FBXO4: variants seen among roughly 807,000 people sequenced by gnomAD.
FBXO4 encodes F-box protein 4.
A neutral mutation model predicts 43.7 loss-of-function variants in FBXO4; 36 were observed. The observed-to-expected ratio is 0.82, with a 90% CI of 0.63 to 1.09. The LOEUF (loss-of-function observed/expected upper bound fraction) is 1.09, where lower values mean the gene tolerates loss of function less well. Ranked by LOEUF, FBXO4 falls within the 50% of genes least tolerant of loss-of-function variation. The pLI is 0.00. For missense variants in FBXO4, 435 were observed against 474.1 expected (o/e 0.92, Z 0.77); for synonymous variants, 180 against 165.6 (o/e 1.09, Z -0.67).
chr5:41,974,673 TTC>T, the FBXO4 span, among the ~76,000 whole-genome samples: 1 of 152,214 alleles, frequency 6.6e-6, no homozygotes, highest in East Asian at 1.9e-4. Context: ...GTTGTTCACC[TTC>T]TCTCTTAGAA....
At chr5:41,996,199 A>G in the FBXO4 span, among the ~76,000 whole-genome samples, 1 of 152,148 alleles carries the variant, frequency 6.6e-6, no homozygotes, top group Non-Finnish European at 1.5e-5. Context: ...GCCTGATCAC[A>G]TATATACCAC....
At chr5:41,953,882 A>G in the FBXO4 span, among the ~76,000 whole-genome samples, 1 of 152,122 alleles carries the variant, frequency 6.6e-6, no homozygotes. Context: ...AGTTCATTGT[A>G]GATTCTGGAT....
At chr5:42,032,702 G>T in the FBXO4 span, among the ~76,000 whole-genome samples, 1 of 152,136 alleles carries the variant, frequency 6.6e-6, no homozygotes, top group Non-Finnish European at 1.5e-5. Flanking sequence ...AGAATCCCAA[G>T]GGCCCACTTG....
Position 41,931,488 on chromosome 5 carries a change from G to A in FBXO4, c.646+1571G>A, listed in dbSNP as rs565572877. ...CTATTCTTTGGAATATGTTGACTTT[G>A]ATAACTCCATGGAAGATCCAAGTAG... On this transcript the variant is annotated intron_variant, in intron 3 of 6. Transcript: ENST00000281623. 3.3e-4 allele frequency among the ~76,000 whole-genome samples: 50 copies of A among 152,336 alleles called. 2 individuals carry two copies. In the South Asian group the frequency reaches 9.3e-3, roughly 28 times the overall value.
chr5:41,998,470 G>C, the FBXO4 span, among the ~76,000 whole-genome samples: 7 of 152,094 alleles, frequency 4.6e-5, no homozygotes, highest in East Asian at 1.3e-3. Flanking sequence ...TAAACCAAGG[G>C]AGATCAGGCA....
chr5:41,987,847 A>G, the FBXO4 span, among the ~76,000 whole-genome samples: 3 of 152,136 alleles, frequency 2.0e-5, no homozygotes, highest in South Asian at 2.1e-4. Flanking sequence ...TAGGATTTCC[A>G]TCTCTCTCCA....
the FBXO4 span, among the ~76,000 whole-genome samples, chr5:41,947,948 A>G: frequency 1.6e-3 from 251 of 152,258 alleles, 1 homozygote; most frequent in African/African-American, 5.0e-3. Context: ...AAGCTACTCA[A>G]TTAAGTTGGT....
chr5:41,989,431 C>T, the FBXO4 span, among the ~76,000 whole-genome samples: 3 of 151,844 alleles, frequency 2.0e-5, no homozygotes, highest in Non-Finnish European at 2.9e-5. Flanking sequence ...AAATATATTC[C>T]GTTACGATCT....
chr5:42,013,254 T>C, the FBXO4 span, among the ~76,000 whole-genome samples: 6 of 152,220 alleles, frequency 3.9e-5, no homozygotes, highest in South Asian at 8.3e-4. Flanking sequence ...CACTCCAGCC[T>C]GGGCAACAGA....
At chr5:41,999,944 A>G in the FBXO4 span, among the ~76,000 whole-genome samples, 11 of 152,110 alleles carry the variant, frequency 7.2e-5, no homozygotes, top group Admixed American at 5.2e-4. Context: ...GGCACTCACT[A>G]TTAACCATCA....
At chr5:41,954,020 C>T in the FBXO4 span, among the ~76,000 whole-genome samples, 1 of 152,106 alleles carries the variant, frequency 6.6e-6, no homozygotes, top group Admixed American at 6.5e-5. Context: ...TACTGACAGA[C>T]CAGTTGGCCC....
the FBXO4 span, among the ~76,000 whole-genome samples, chr5:41,985,321 T>C: frequency 6.6e-6 from 1 of 152,186 alleles, no homozygotes; most frequent in Non-Finnish European, 1.5e-5. Context: ...TAAATGAATA[T>C]TTTCAGGCAA....
At chr5:41,938,413 C>T (rs1751907122) in intron 5 of FBXO4, among the ~76,000 whole-genome samples, 1 of 152,074 alleles carries the variant, frequency 6.6e-6, no homozygotes, top group Admixed American at 6.5e-5. Flanking sequence ...AAACTCAGTC[C>T]AAAAGAAGGT....
chr5:41,978,179 C>T, the FBXO4 span, among the ~76,000 whole-genome samples: 2 of 152,092 alleles, frequency 1.3e-5, no homozygotes, highest in African/African-American at 4.8e-5. Context: ...CTCTTTTAAA[C>T]AACCACACCT....
At chr5:42,031,492 G>C in the FBXO4 span, among the ~76,000 whole-genome samples, 4 of 151,102 alleles carry the variant, frequency 2.6e-5, no homozygotes, top group Middle Eastern at 3.2e-3. Flanking sequence ...ATAGCATTAG[G>C]AGATATACCT....
At chr5:41,967,047 G>GA in the FBXO4 span, 50 of 264,850 alleles carry the variant, frequency 1.9e-4, no homozygotes, top group Non-Finnish European at 3.0e-4. Context: ...CATTTCAGTG[G>GA]AAAAAATAAA....
the FBXO4 span, among the ~76,000 whole-genome samples, chr5:42,010,887 T>A: frequency 9.9e-5 from 15 of 152,116 alleles, no homozygotes; most frequent in Admixed American, 3.3e-4. Flanking sequence ...TCTTTTTTTT[T>A]AAATTATACT....
At chr5:41,956,560 AT>A in the FBXO4 span, among the ~76,000 whole-genome samples, 1 of 151,672 alleles carries the variant, frequency 6.6e-6, no homozygotes, top group Non-Finnish European at 1.5e-5. Context: ...ATTTTTATAG[AT>A]TTTTTTTGGT....
the FBXO4 span, among the ~76,000 whole-genome samples, chr5:41,983,580 A>C: frequency 1.3e-5 from 2 of 152,088 alleles, no homozygotes; most frequent in East Asian, 1.9e-4. Context: ...TAATTATTTA[A>C]CTGAATTTTT....
Sources: gnomAD v4.1 joint callset for allele counts (sites outside exome capture counted in the v4.1 genomes callset) on GRCh38, gnomAD v4.1.1 for gene constraint, MANE v1.5 for transcripts, NCBI Gene and HGNC (gene_info 2026-07-23, HGNC 2026-07-21) for gene names.